GALNT9: variants seen among roughly 807,000 people sequenced by gnomAD.
The protein encoded by GALNT9 is polypeptide N-acetylgalactosaminyltransferase 9.
In GALNT9, 47 loss-of-function variants were observed where a neutral mutation model predicts 63.1. The observed-to-expected ratio is 0.75, with a 90% CI of 0.59 to 0.95. The LOEUF (loss-of-function observed/expected upper bound fraction) is 0.95, where lower values mean the gene tolerates loss of function less well. Among genes scored for constraint, GALNT9 ranks in the 40% least tolerant of loss-of-function variants. The pLI is 0.00. For synonymous variants in GALNT9, 396 were observed against 365.7 expected (o/e 1.08, Z -0.94); for missense variants, 829 against 874.8 (o/e 0.95, Z 0.66).
rs774923941 is a variant in GALNT9 at position 132,201,203 on chromosome 12, T to C, written c.1322A>G (p.Lys441Arg). The C allele has an allele frequency of 6.2e-7, 1 of 1,612,914 alleles. No individual in the cohort carries two copies. The highest frequency in any genetic ancestry group is 8.5e-7 in the Non-Finnish European group (1 of 1,179,074). ...SERLALRQRL[K>R]CRSFKWYLEN... ...CAGGTACCACTTGAAGCTGCGACAC[T>C]TCAGCCTCTGACGCAGGGCCAGCCT... The change falls in exon 8 of 11, where the codon AAG becomes AGG. Residue 441 changes from lysine to arginine, a missense_variant. Lys to Arg is a conservative substitution (Grantham distance 26, BLOSUM62 2). Transcript: ENST00000328957.
intron 1 of GALNT9, among the ~76,000 whole-genome samples, chr12:132,320,933 C>G (rs1335416779): frequency 1.3e-5 from 2 of 152,222 alleles, no homozygotes; most frequent in Admixed American, 6.5e-5. Context: ...GTGACCGGCC[C>G]ACAGTCGTGC....
intron 2 of GALNT9, among the ~76,000 whole-genome samples, chr12:132,267,884 C>T (rs782745761): frequency 2.8e-5 from 4 of 142,754 alleles, no homozygotes; most frequent in Middle Eastern, 7.3e-3. Context: ...CCCACATGCA[C>T]TCACACGCAC....
intron 1 of GALNT9, among the ~76,000 whole-genome samples, chr12:132,312,794 T>C (rs577020877): frequency 6.6e-6 from 1 of 152,274 alleles, no homozygotes; most frequent in African/African-American, 2.4e-5. Flanking sequence ...ACCCCTGTTG[T>C]CAAGGGGCAG....
intron 3 of GALNT9, among the ~76,000 whole-genome samples, 174 bp downstream of exon 3, chr12:132,262,285 G>T (rs1234279753): frequency 6.6e-6 from 1 of 152,154 alleles, no homozygotes; most frequent in Non-Finnish European, 1.5e-5. Flanking sequence ...CAGCACGTAC[G>T]CAGCCATGAC....
intron 6 of GALNT9, among the ~76,000 whole-genome samples, chr12:132,228,810 T>C (rs1483381800): frequency 6.6e-6 from 1 of 152,144 alleles, no homozygotes; most frequent in African/African-American, 2.4e-5. Flanking sequence ...CTTGATTCCG[T>C]CCTGACCTTT....
Position 132,279,841 on chromosome 12 carries a change from C to T in GALNT9, c.419+6409G>A, listed in dbSNP as rs1304379347. On this transcript the variant is annotated intron_variant, in intron 2 of 10. Transcript: ENST00000328957. The surrounding 1 kb of genome is among the most constrained non-coding windows in gnomAD (Gnocchi z 4.1). Reference sequence around the variant, plus strand: ...TGGATGCCCAGTGTCCACTGGGTCTCCTGGATCCAATTCCTGGATGCCCAG... The same window carrying T: ...TGGATGCCCAGTGTCCACTGGGTCTTCTGGATCCAATTCCTGGATGCCCAG... 1.3e-5 allele frequency: 2 copies of T among 152,132 alleles called. No homozygotes were observed. The highest frequency in any genetic ancestry group is 2.9e-5 in the Non-Finnish European group (2 of 68,052). 9.4% of individuals were successfully genotyped at this position (152,132 alleles called of 1,614,324 possible). A position where few individuals can be genotyped will look rare whatever the true frequency, so the allele number is the denominator to read the frequency against.
intron 1 of GALNT9, among the ~76,000 whole-genome samples, chr12:132,318,319 G>A (rs1366267871): frequency 6.6e-6 from 1 of 152,256 alleles, no homozygotes; most frequent in East Asian, 1.9e-4. Context: ...GGCTGGGCGG[G>A]CACTGGGCAG....
intron 6 of GALNT9, among the ~76,000 whole-genome samples, chr12:132,212,205 G>A (rs1009145388): frequency 1.4e-4 from 21 of 146,736 alleles, no homozygotes; most frequent in African/African-American, 4.6e-4. Flanking sequence ...ACCTCGACAC[G>A]GAAACCCCAC....
chr12:132,241,087 C>A (rs2136900664), intron 6 of GALNT9, among the ~76,000 whole-genome samples: 653 of 53,772 alleles, frequency 0.012, 1 homozygote, highest in South Asian at 0.043. Context: ...ACACCCTTCC[C>A]GGGGCCCTCC....
intron 6 of GALNT9, among the ~76,000 whole-genome samples, chr12:132,224,784 T>C (rs1453612219): frequency 2.3e-5 from 2 of 88,120 alleles, no homozygotes; most frequent in African/African-American, 4.6e-5. Context: ...CCCACACACA[T>C]ACATCTCATA....
chr12:132,257,714 G>A lies in GALNT9; in HGVS notation c.934C>T (p.Arg312Cys), dbSNP rs1268400346. ...CTGATGGGTGCTGACTCGTCGCCGC[G>A]GTCCAGCCAGTCCTGCGGGGGGATG... ...YIIPPQDWLD[R>C]GDESAPIRTP... Residue 312 changes from arginine (R) to cysteine (C), a missense_variant, in exon 5 of 11, where the codon CGC becomes TGC. By Grantham distance (180) the Arg-to-Cys change is radical. Coordinates refer to ENST00000328957, the MANE Select transcript of GALNT9 (RefSeq NM_001122636.2). 1.0e-5 allele frequency: 16 copies of A among 1,549,860 alleles called. No homozygotes were observed. Among genetic ancestry groups the A allele is most frequent in the Non-Finnish European group, 1.4e-5 (16 of 1,146,762 alleles).
chr12:132,275,621 A>T (rs1227325765), intron 2 of GALNT9: 1 of 152,288 alleles, frequency 6.6e-6, no homozygotes, highest in African/African-American at 2.4e-5. Flanking sequence ...TTCTAGCTTA[A>T]GCCAATTTGA....
In GALNT9 at chr12:132,198,527, ACCC is replaced by A. The variant is rs61105154; in HGVS notation, c.1498-571_1498-569del. 8.6e-3 allele frequency among the ~76,000 whole-genome samples: 1,305 copies of A among 151,082 alleles called. 15 individuals are homozygous for A. The highest frequency in any genetic ancestry group is 0.03 in the African/African-American group (1,235 of 40,942). On this transcript the variant is annotated intron_variant, in intron 9 of 10. Transcript: ENST00000328957. The stretch of plus-strand genomic sequence containing the variant: ...AACAGCACTATTGCCGTGTTAATCC[ACCC>A]CCCGAGCCAATGCTTCCCACACTTC...
chr12:132,261,022 C>T lies in GALNT9; in HGVS notation c.687G>A (p.Arg229=). The stretch of plus-strand genomic sequence containing the variant: ...CGGTGGCCGCCTTCCAGCCCTGCAG[C>T]CGCGCGCGGATCAGTCCTTCCCGCC... ...NSRREGLIRA[R]LQGWKAATAP... is the part of the protein sequence containing the mutation. Residue 229 remains arginine, a synonymous_variant, in exon 4 of 11, where the codon CGG becomes CGA. Transcript: ENST00000328957. The T allele has an allele frequency of 6.4e-7, 1 of 1,550,886 alleles. No individual in the cohort carries two copies. The highest frequency in any genetic ancestry group is 8.7e-7 in the Non-Finnish European group (1 of 1,146,822).
chr12:132,313,116 TCCACCCAC>T (rs1382812825), intron 1 of GALNT9, among the ~76,000 whole-genome samples: 1 of 110,812 alleles, frequency 9.0e-6, no homozygotes, highest in Non-Finnish European at 1.9e-5. Flanking sequence ...CATCCACCCA[TCCACCCAC>T]CCATTCATCT....
rs568497451 is a variant in GALNT9, at chr12:132,312,644, G to A, written c.238+16322C>T. On this transcript the variant is annotated intron_variant, in intron 1 of 10. Coordinates refer to ENST00000328957, the MANE Select transcript of GALNT9 (RefSeq NM_001122636.2). ...CTTTGGACGCAGCCCAGCCTTGAGG[G>A]TCAAAGACAGGAGGAGACCTCAGGA... Among the ~76,000 whole-genome samples, 5 of 152,338 alleles carry A rather than the reference G, an allele frequency of 3.3e-5. No homozygotes were observed. In the South Asian group the frequency reaches 8.3e-4, roughly 25 times the overall value.
At chr12:132,260,865 G>T in intron 4 of GALNT9, 83 bp downstream of exon 4, 1 of 1,436,622 alleles carries the variant, frequency 7.0e-7, no homozygotes, top group Non-Finnish European at 9.1e-7. Flanking sequence ...CAGCGGCCAG[G>T]CTGCAGCCGC....
chr12:132,320,359 C>T (rs1868727183), intron 1 of GALNT9, among the ~76,000 whole-genome samples: 1 of 152,206 alleles, frequency 6.6e-6, no homozygotes, highest in African/African-American at 2.4e-5. Flanking sequence ...CCCTCGAGGG[C>T]CACGAGGCAC....
chr12:132,266,698 C>T (rs1162670249), intron 2 of GALNT9, among the ~76,000 whole-genome samples: 1 of 152,196 alleles, frequency 6.6e-6, no homozygotes, highest in Non-Finnish European at 1.5e-5. Context: ...TTGTTGGAAG[C>T]CACCTGCTTG....
Sources: allele counts gnomAD v4.1 joint callset (sites outside exome capture counted in the v4.1 genomes callset), GRCh38; gene constraint gnomAD v4.1.1; non-coding constraint Gnocchi (gnomAD v3.1); transcripts MANE v1.5; gene names NCBI Gene and HGNC (gene_info 2026-07-23, HGNC 2026-07-21).